The following CFDP1 variants were observed in gnomAD, a reference collection of about 807,000 sequenced individuals.
CFDP1 encodes chromatin remodeling protein CFDP1.
CFDP1 carries 31 observed loss-of-function variants against 40.1 expected under a neutral mutation model. The ratio of observed to expected loss-of-function variants is 0.77; its 90% CI spans 0.58 to 1.04. The LOEUF is 1.04. Among genes scored for constraint, CFDP1 ranks in the 50% least tolerant of loss-of-function variants. The pLI is 0.00. For synonymous variants in CFDP1, 167 were observed against 120.0 expected, an observed-to-expected ratio of 1.39 and a Z score of -2.56; for missense variants, 423 against 343.4, an observed-to-expected ratio of 1.23 and a Z score of -1.83.
At chr16:75,373,930 A>C (rs750735288) in intron 5 of CFDP1, among the ~76,000 whole-genome samples, 1 of 152,174 alleles carries the variant, frequency 6.6e-6, no homozygotes, top group Non-Finnish European at 1.5e-5. Flanking sequence ...TAAAAAACCT[A>C]AATGTCTGTA....
intron 5 of CFDP1, among the ~76,000 whole-genome samples, chr16:75,388,776 T>C (rs2151557090): frequency 6.6e-6 from 1 of 152,334 alleles, no homozygotes; most frequent in South Asian, 2.1e-4. Context: ...ACTACAATGG[T>C]CAGCATTACT....
intron 1 of CFDP1, among the ~76,000 whole-genome samples, chr16:75,419,853 A>C (rs1267754052): frequency 2.0e-5 from 3 of 152,140 alleles, no homozygotes; most frequent in African/African-American, 4.8e-5. Flanking sequence ...TAACCATAAA[A>C]ATGGGCAACC....
chr16:75,309,311 C>T (rs917529037), intron 5 of CFDP1, among the ~76,000 whole-genome samples: 2 of 152,142 alleles, frequency 1.3e-5, no homozygotes, highest in Non-Finnish European at 2.9e-5. Flanking sequence ...ACCAGGCTTT[C>T]AGGAAGCCGA....
chr16:75,397,795 C>T (rs1401371888), intron 4 of CFDP1, among the ~76,000 whole-genome samples: 1 of 152,070 alleles, frequency 6.6e-6, no homozygotes, highest in African/African-American at 2.4e-5. Flanking sequence ...GACAGCGAGA[C>T]TCCGTCTCAA....
intron 5 of CFDP1, among the ~76,000 whole-genome samples, chr16:75,320,072 C>G (rs927892820): frequency 6.6e-6 from 1 of 152,188 alleles, no homozygotes; most frequent in Non-Finnish European, 1.5e-5. Flanking sequence ...AAAGAATTCC[C>G]ATCCTCCATC....
chr16:75,363,345 T>C (rs1567657507), intron 5 of CFDP1, among the ~76,000 whole-genome samples: 2 of 151,136 alleles, frequency 1.3e-5, no homozygotes, highest in African/African-American at 4.9e-5. Context: ...TTACTGCTCA[T>C]CTAGTGCACA....
intron 5 of CFDP1, among the ~76,000 whole-genome samples, chr16:75,336,257 A>C (rs901909454): frequency 1.4e-4 from 21 of 152,314 alleles, no homozygotes; most frequent in African/African-American, 4.8e-4. Context: ...CTTGTGGTGC[A>C]GATAGGTAGC....
At position 75,395,307 on chromosome 16, in the gene CFDP1, G is replaced by C. The variant is rs1597380302; in HGVS notation, c.531-98C>G. The C allele has an allele frequency of 6.3e-6, 8 of 1,268,162 alleles. No homozygotes were observed. The East Asian group carries it at 2.0e-4, about 31-fold the overall frequency. The allele number at this position is 1,268,162 out of a possible 1,614,324, so 78.6% of individuals were successfully genotyped here. ...AGACAACTAGAAAAAGATCCACTCG[G>C]CTTCCAATAAATTCTGGACGCTCAG... On this transcript the variant is annotated intron_variant, in intron 4 of 6. Coordinates refer to ENST00000283882, the MANE Select transcript of CFDP1 (RefSeq NM_006324.3).
intron 5 of CFDP1, among the ~76,000 whole-genome samples, chr16:75,386,157 TC>T (rs1252490985): frequency 6.6e-6 from 1 of 152,110 alleles, no homozygotes; most frequent in Non-Finnish European, 1.5e-5. Context: ...AAGTTTGTGA[TC>T]CTGATAGACA....
chr16:75,427,783 CTG>C (rs1012907821), intron 1 of CFDP1, among the ~76,000 whole-genome samples: 7 of 152,152 alleles, frequency 4.6e-5, no homozygotes, highest in Non-Finnish European at 2.9e-5. Flanking sequence ...ACAGAAAAAG[CTG>C]TGTGTAAATA....
At chr16:75,424,981 G>C (rs2079320617) in intron 1 of CFDP1, among the ~76,000 whole-genome samples, 1 of 150,926 alleles carries the variant, frequency 6.6e-6, no homozygotes, top group Non-Finnish European at 1.5e-5. Flanking sequence ...TGGTAAATGA[G>C]TTTAGCAAGG....
intron 5 of CFDP1, among the ~76,000 whole-genome samples, chr16:75,377,276 G>A (rs1430700304): frequency 6.6e-6 from 1 of 152,214 alleles, no homozygotes; most frequent in Admixed American, 6.5e-5. Context: ...CTTAATGAAT[G>A]CTGTTTGATA....
intron 5 of CFDP1, among the ~76,000 whole-genome samples, chr16:75,342,768 C>T (rs1311702903): frequency 6.6e-6 from 1 of 152,182 alleles, no homozygotes; most frequent in African/African-American, 2.4e-5. Flanking sequence ...TGATTCTCAA[C>T]CTTGGGTCAT....
At chr16:75,377,247 T>TA (rs2078807646) in intron 5 of CFDP1, among the ~76,000 whole-genome samples, 1 of 152,212 alleles carries the variant, frequency 6.6e-6, no homozygotes, top group Non-Finnish European at 1.5e-5. Flanking sequence ...TCAAATGCTA[T>TA]GGGAACCAAA....
intron 5 of CFDP1, among the ~76,000 whole-genome samples, chr16:75,338,714 A>C (rs2078507359): frequency 6.6e-6 from 1 of 152,124 alleles, no homozygotes; most frequent in Non-Finnish European, 1.5e-5. Flanking sequence ...ATAATTCTAT[A>C]AAATAGGGAT....
intron 5 of CFDP1, among the ~76,000 whole-genome samples, chr16:75,371,163 C>T (rs778200949): frequency 3.3e-5 from 5 of 152,166 alleles, no homozygotes; most frequent in Non-Finnish European, 7.4e-5. Context: ...TTCGAGCTGT[C>T]CTTTGTACCG....
intron 5 of CFDP1, among the ~76,000 whole-genome samples, chr16:75,356,483 A>T (rs2078644615): frequency 6.6e-6 from 1 of 152,234 alleles, no homozygotes; most frequent in African/African-American, 2.4e-5. Flanking sequence ...TGCTGGAAAC[A>T]GATGTGCTGT....
chr16:75,431,125 C>G (rs946422917), intron 1 of CFDP1, among the ~76,000 whole-genome samples: 8 of 151,734 alleles, frequency 5.3e-5, no homozygotes, highest in African/African-American at 1.9e-4. Flanking sequence ...GTTCAGCTGT[C>G]AACATGATGT....
chr16:75,298,868 A>G (rs1412733643), intron 6 of CFDP1, among the ~76,000 whole-genome samples: 2 of 152,172 alleles, frequency 1.3e-5, no homozygotes, highest in African/African-American at 4.8e-5. Context: ...TTTTGGAGAA[A>G]GAAAATTATT....
Sources: allele counts gnomAD v4.1 joint callset (sites outside exome capture counted in the v4.1 genomes callset), GRCh38; gene constraint gnomAD v4.1.1; transcripts MANE v1.5; gene names NCBI Gene and HGNC (gene_info 2026-07-23, HGNC 2026-07-21).